APIP: variants seen among roughly 807,000 people sequenced by gnomAD.
The protein encoded by APIP is APAF1 interacting protein.
APIP carries 32 observed loss-of-function variants against 32.0 expected under a neutral mutation model. The observed-to-expected ratio is 1.00, with a 90% confidence interval of 0.76 to 1.34. The LOEUF is 1.34. APIP is among the 40% of genes most tolerant of loss of function. The pLI, the probability that APIP is intolerant of heterozygous loss-of-function variation, is 0.00. For missense variants in APIP, 247 were observed against 298.6 expected, an observed-to-expected ratio of 0.83 and a Z score of 1.27; for synonymous variants, 92 against 94.8, an observed-to-expected ratio of 0.97 and a Z score of 0.17.
chr11:34,883,759 C>T (rs1221447466), intron 5 of APIP, among the ~76,000 whole-genome samples: 1 of 151,964 alleles, frequency 6.6e-6, no homozygotes, highest in Non-Finnish European at 1.5e-5. Context: ...TATACCAAAA[C>T]CTAACAAAGA....
At chr11:34,914,689 C>T (rs1221504405) in intron 1 of APIP, among the ~76,000 whole-genome samples, 6 of 152,082 alleles carry the variant, frequency 3.9e-5, no homozygotes, top group Admixed American at 6.6e-5. Flanking sequence ...TTAAAAGAAG[C>T]TGAAATGATT....
intron 5 of APIP, among the ~76,000 whole-genome samples, chr11:34,884,618 G>A (rs922364654): frequency 3.3e-5 from 5 of 151,980 alleles, no homozygotes; most frequent in South Asian, 2.1e-4. Flanking sequence ...CCACCTACTC[G>A]GAAGACTGAG....
At chr11:34,914,159 C>T (rs954855173) in intron 1 of APIP, among the ~76,000 whole-genome samples, 12 of 152,198 alleles carry the variant, frequency 7.9e-5, no homozygotes, top group African/African-American at 2.9e-4. Context: ...TACTCCTAAA[C>T]TACCTTGAAC....
chr11:34,891,699 T>C (rs1393047255), intron 2 of APIP, among the ~76,000 whole-genome samples: 1 of 152,214 alleles, frequency 6.6e-6, no homozygotes, highest in Non-Finnish European at 1.5e-5. Flanking sequence ...GGAAATCCAA[T>C]GCACTGTTAG....
intron 1 of APIP, among the ~76,000 whole-genome samples, chr11:34,910,157 C>G (rs1045243479): frequency 1.3e-5 from 2 of 152,192 alleles, no homozygotes; most frequent in African/African-American, 4.8e-5. Flanking sequence ...GTGCAATATT[C>G]TCCAGCAATG....
At chr11:34,914,289 T>C (rs984689) in intron 1 of APIP, among the ~76,000 whole-genome samples, 119,334 of 152,048 alleles carry the variant, frequency 0.78, 46,983 homozygotes, top group East Asian at 0.83. Context: ...AGGAACCAGA[T>C]GCAGCTTGCA....
At chr11:34,908,670 T>C (rs1853494160) in intron 1 of APIP, among the ~76,000 whole-genome samples, 1 of 152,250 alleles carries the variant, frequency 6.6e-6, no homozygotes. Context: ...CTATTAATAA[T>C]CTGGATCAGT....
At chr11:34,916,161 C>A in intron 1 of APIP, 67 bp downstream of exon 1, 1 of 1,561,292 alleles carries the variant, frequency 6.4e-7, no homozygotes, top group Non-Finnish European at 8.7e-7. Context: ...GCGCCCAGCT[C>A]CAGCCGCCGG....
At chr11:34,900,753 C>T (rs984491037) in intron 1 of APIP, among the ~76,000 whole-genome samples, 1 of 152,052 alleles carries the variant, frequency 6.6e-6, no homozygotes, top group Non-Finnish European at 1.5e-5. Context: ...TTCTGGTAGA[C>T]AACCCTGACT....
intron 1 of APIP, among the ~76,000 whole-genome samples, chr11:34,902,523 G>A (rs1853384922): frequency 6.6e-6 from 1 of 152,072 alleles, no homozygotes; most frequent in African/African-American, 2.4e-5. Context: ...TAGGGGAAGA[G>A]AGGATTAAGC....
At chr11:34,897,943 G>A (rs1853305325) in intron 1 of APIP, among the ~76,000 whole-genome samples, 1 of 151,936 alleles carries the variant, frequency 6.6e-6, no homozygotes, top group Non-Finnish European at 1.5e-5. Flanking sequence ...CTCCACTTGG[G>A]GTTTTCTCTC....
chr11:34,891,654 TAA>T (rs531090229), intron 2 of APIP, among the ~76,000 whole-genome samples: 10 of 152,176 alleles, frequency 6.6e-5, no homozygotes, highest in Admixed American at 2.6e-4. Flanking sequence ...GTTCCACTGA[TAA>T]AGTCTAGAAA....
At chr11:34,916,079 G>T in intron 1 of APIP, 149 bp downstream of exon 1, 2 of 1,040,970 alleles carry the variant, frequency 1.9e-6, no homozygotes, top group Non-Finnish European at 2.7e-6. Context: ...CGCCAAGGTC[G>T]CGGTGCGCCG....
At chr11:34,905,205 G>A (rs762328771) in intron 1 of APIP, among the ~76,000 whole-genome samples, 16 of 152,318 alleles carry the variant, frequency 1.1e-4, no homozygotes, top group South Asian at 2.1e-4. Flanking sequence ...AAACATGAGC[G>A]TTTTACTATC....
chr11:34,910,011 A>AAG (rs769692810), intron 1 of APIP, among the ~76,000 whole-genome samples: 15 of 152,330 alleles, frequency 9.8e-5, no homozygotes, highest in Non-Finnish European at 2.2e-4. Context: ...GAGGCTTGAC[A>AAG]AGAGAATAAA....
At chr11:34,893,485 A>G (rs1483419419) in intron 2 of APIP, among the ~76,000 whole-genome samples, 1 of 152,244 alleles carries the variant, frequency 6.6e-6, no homozygotes, top group Non-Finnish European at 1.5e-5. Flanking sequence ...ACATGAAACA[A>G]GAATAAATGT....
At chr11:34,890,834 T>C (rs1180080397) in intron 2 of APIP, 4 of 221,294 alleles carry the variant, frequency 1.8e-5, no homozygotes, top group Non-Finnish European at 3.5e-5. Context: ...GCTTTTATCC[T>C]GTTAGGGGAA....
At chr11:34,888,902 A>C in intron 3 of APIP, 33 bp from the exon 4 acceptor site, 1 of 1,273,886 alleles carries the variant, frequency 7.9e-7, no homozygotes, top group Non-Finnish European at 1.1e-6. Context: ...GAAAAAAAGA[A>C]GGCTTGTAAA....
intron 2 of APIP, among the ~76,000 whole-genome samples, chr11:34,892,593 C>A (rs1853201398): frequency 6.6e-6 from 1 of 152,124 alleles, no homozygotes; most frequent in South Asian, 2.1e-4. Context: ...ATGATAGCGA[C>A]CCAACCTAAA....
Sources: gnomAD v4.1 joint callset for allele counts (sites outside exome capture counted in the v4.1 genomes callset) on GRCh38, gnomAD v4.1.1 for gene constraint, MANE v1.5 for transcripts, NCBI Gene and HGNC (gene_info 2026-07-23, HGNC 2026-07-21) for gene names.